The following NAALADL2 variants were observed in gnomAD, a reference collection of about 807,000 sequenced individuals.
NAALADL2 encodes the protein N-acetylated alpha-linked acidic dipeptidase like 2, also known as inactive N-acetylated-alpha-linked acidic dipeptidase-like protein 2.
A neutral mutation model predicts 87.2 loss-of-function variants in NAALADL2; 76 were observed. That is an observed-to-expected ratio of 0.87 (90% CI 0.72 to 1.05). NAALADL2 has a LOEUF of 1.05. Ranked by LOEUF, NAALADL2 falls within the 50% of genes least tolerant of loss-of-function variation. NAALADL2 has a pLI of 0.00. For synonymous variants in NAALADL2, 354 were observed against 331.0 expected (o/e 1.07, Z -0.75); for missense variants, 1,089 against 945.8 (o/e 1.15, Z -1.99).
At position 175,256,544 on chromosome 3, in the gene NAALADL2, A is replaced by G. The variant is rs1419616297; in HGVS notation, c.939+14A>G. On this transcript the variant is annotated intron_variant, in intron 4 of 13. Coordinates refer to ENST00000454872, the MANE Select transcript of NAALADL2 (RefSeq NM_207015.3). ...CTGCTTTATAAGGTTGGTCCAGTGA[A>G]TGTTATTCAGTGGTTTGGTCAATAT... 1 of 1,605,792 alleles carries G rather than the reference A, an allele frequency of 6.2e-7. No homozygotes were observed. Among genetic ancestry groups the G allele is most frequent in the Non-Finnish European group, 8.5e-7 (1 of 1,177,116 alleles).
intron 4 of NAALADL2, among the ~76,000 whole-genome samples, chr3:175,310,526 T>C (rs1758235388): frequency 6.6e-6 from 1 of 152,074 alleles, no homozygotes; most frequent in Admixed American, 6.6e-5. Flanking sequence ...TTTATACTTA[T>C]TAGTTATTAT....
intron 3 of NAALADL2, among the ~76,000 whole-genome samples, chr3:174,848,335 A>G (rs1663663697): frequency 6.6e-6 from 1 of 152,124 alleles, no homozygotes; most frequent in African/African-American, 2.4e-5. Flanking sequence ...TGAACCTGCA[A>G]AATTAGTTTT....
chr3:175,185,027 T>G (rs975911376), intron 2 of NAALADL2, among the ~76,000 whole-genome samples: 1 of 152,110 alleles, frequency 6.6e-6, no homozygotes, highest in Non-Finnish European at 1.5e-5. Flanking sequence ...AAATGAGAGA[T>G]AGCAAAATTA....
chr3:175,591,610 T>C (rs964214391), intron 10 of NAALADL2, among the ~76,000 whole-genome samples: 1 of 151,980 alleles, frequency 6.6e-6, no homozygotes, highest in South Asian at 2.1e-4. Flanking sequence ...CAGGCATGAG[T>C]ATAAACAAAC....
intron 1 of NAALADL2, among the ~76,000 whole-genome samples, chr3:174,977,262 G>T (rs1158528763): frequency 6.6e-6 from 1 of 152,028 alleles, no homozygotes; most frequent in Non-Finnish European, 1.5e-5. Flanking sequence ...GAGAGATGCT[G>T]GTTAGGCACC....
chr3:175,222,230 T>A (rs1743497760), intron 2 of NAALADL2, among the ~76,000 whole-genome samples: 1 of 152,154 alleles, frequency 6.6e-6, no homozygotes, highest in Non-Finnish European at 1.5e-5. Flanking sequence ...TTAGATGTAG[T>A]AGATATTCAA....
At chr3:175,030,394 C>T (rs1353146103) in intron 1 of NAALADL2, among the ~76,000 whole-genome samples, 1 of 151,904 alleles carries the variant, frequency 6.6e-6, no homozygotes, top group Admixed American at 6.6e-5. Context: ...AATTTTGATT[C>T]CTGTAAATGC....
chr3:174,450,512 T>C (rs1054554239), intron 1 of NAALADL2, among the ~76,000 whole-genome samples: 2 of 152,258 alleles, frequency 1.3e-5, no homozygotes, highest in South Asian at 4.1e-4. Context: ...TTTGGAAGGC[T>C]TGATGGTTGG....
rs879741250 is a variant in NAALADL2, at chr3:174,650,746, TATTAGGATGTAGAATATGAAGAGACAA to T, written c.-114-86866_-114-86840del. On this transcript the variant is annotated intron_variant, in intron 2 of 3. Transcript: ENST00000434257. Reference sequence around the variant, plus strand: ...TTAGGATGTAGAATATGAAGAGACATATTAGGATGTAGAATATGAAGAGACAAATTAGGATGTAGAATATGAAGAGAC... The same window carrying T: ...TTAGGATGTAGAATATGAAGAGACATATTAGGATGTAGAATATGAAGAGAC... 1.6e-3 allele frequency among the ~76,000 whole-genome samples: 247 copies of T among 152,138 alleles called. No homozygotes were observed. The Middle Eastern group carries it at 0.02, about 13-fold the overall frequency.
intron 3 of NAALADL2, among the ~76,000 whole-genome samples, chr3:175,244,575 A>T (rs1391490025): frequency 6.6e-6 from 1 of 152,182 alleles, no homozygotes; most frequent in East Asian, 1.9e-4. Context: ...TTTTATCCGT[A>T]TCCAATCCCA....
intron 5 of NAALADL2, among the ~76,000 whole-genome samples, chr3:175,414,957 A>G (rs73881496): frequency 3.1e-3 from 468 of 152,310 alleles, no homozygotes; most frequent in African/African-American, 0.011. Flanking sequence ...ATAAATGATG[A>G]ACATTACAAC....
chr3:174,880,784 A>G (rs1445052555), intron 1 of NAALADL2, among the ~76,000 whole-genome samples: 1 of 152,176 alleles, frequency 6.6e-6, no homozygotes, highest in African/African-American at 2.4e-5. Flanking sequence ...TGAGGGCCTT[A>G]AAACAATAGA....
At chr3:175,504,641 T>A (rs553153533) in intron 9 of NAALADL2, among the ~76,000 whole-genome samples, 285 of 147,924 alleles carry the variant, frequency 1.9e-3, no homozygotes, top group Non-Finnish European at 3.1e-3. Flanking sequence ...GAGAAAGCAG[T>A]CATTTGCAGG....
At chr3:175,330,478 C>T (rs1347146483) in intron 5 of NAALADL2, among the ~76,000 whole-genome samples, 1 of 151,922 alleles carries the variant, frequency 6.6e-6, no homozygotes, top group Non-Finnish European at 1.5e-5. Flanking sequence ...CAAATATCTC[C>T]TCAGACCGCA....
chr3:175,180,200 C>T (rs1531386), intron 2 of NAALADL2, among the ~76,000 whole-genome samples: 110,494 of 151,802 alleles, frequency 0.73, 40,735 homozygotes, highest in Non-Finnish European at 0.8. Context: ...GTTCTGAGTA[C>T]GTATTTGGCC....
At chr3:175,697,742 TACAC>T (rs200672259) in intron 11 of NAALADL2, among the ~76,000 whole-genome samples, 7 of 148,200 alleles carry the variant, frequency 4.7e-5, no homozygotes, top group African/African-American at 9.9e-5. Context: ...TATATTTACA[TACAC>T]ACACATGTAA....
chr3:175,002,048 C>T (rs1224348810), intron 1 of NAALADL2, among the ~76,000 whole-genome samples: 1 of 152,136 alleles, frequency 6.6e-6, no homozygotes, highest in Non-Finnish European at 1.5e-5. Flanking sequence ...GTGTGCAGGC[C>T]ACATGCACTA....
intron 5 of NAALADL2, among the ~76,000 whole-genome samples, chr3:175,374,569 A>T (rs1482259027): frequency 2.0e-5 from 3 of 146,856 alleles, no homozygotes; most frequent in African/African-American, 7.7e-5. Flanking sequence ...AAAAAAAAAA[A>T]AAAAAAAAAA....
At chr3:174,652,011 G>T (rs1724405128) in intron 2 of NAALADL2, among the ~76,000 whole-genome samples, 1 of 152,142 alleles carries the variant, frequency 6.6e-6, no homozygotes, top group African/African-American at 2.4e-5. Flanking sequence ...CCTAGGGAAG[G>T]AAGAATTGGG....
Sources: gnomAD v4.1 joint callset for allele counts (sites outside exome capture counted in the v4.1 genomes callset) on GRCh38, gnomAD v4.1.1 for gene constraint, MANE v1.5 for transcripts, NCBI Gene and HGNC (gene_info 2026-07-23, HGNC 2026-07-21) for gene names.